The following CNTNAP2 variants were observed in gnomAD, a reference collection of about 807,000 sequenced individuals.
CNTNAP2 encodes contactin-associated protein-like 2.
CNTNAP2 carries 98 observed loss-of-function variants against 155.2 expected under a neutral mutation model. The ratio of observed to expected loss-of-function variants is 0.63; its 90% CI spans 0.54 to 0.75. The LOEUF (loss-of-function observed/expected upper bound fraction) is 0.75, where lower values mean the gene tolerates loss of function less well. CNTNAP2 is among the 30% of genes least tolerant of loss of function. CNTNAP2 has a pLI of 0.00. For synonymous variants in CNTNAP2, 651 were observed against 631.2 expected, an observed-to-expected ratio of 1.03 and a Z score of -0.47; for missense variants, 1,727 against 1,688.1, an observed-to-expected ratio of 1.02 and a Z score of -0.40.
intron 11 of CNTNAP2, among the ~76,000 whole-genome samples, chr7:147,523,523 T>C (rs191283394): frequency 4.6e-5 from 7 of 152,278 alleles, no homozygotes; most frequent in African/African-American, 1.7e-4. Context: ...TTCCTACATA[T>C]CCTTCTTTCC....
At chr7:146,727,170 C>T (rs188339607) in intron 1 of CNTNAP2, among the ~76,000 whole-genome samples, 7 of 151,934 alleles carry the variant, frequency 4.6e-5, no homozygotes, top group South Asian at 2.1e-4. Flanking sequence ...AAAATAAATA[C>T]GAGATATCCC....
At chr7:147,886,475 CAAAAAAAAAAAAA>C (rs532837902) in intron 13 of CNTNAP2, among the ~76,000 whole-genome samples, 6 of 39,736 alleles carry the variant, frequency 1.5e-4, no homozygotes, top group Admixed American at 1.4e-3. Context: ...AACTCCATCT[CAAAAAAAAAAAAA>C]AAAAAAAAAA....
chr7:146,916,149 T>C (rs1016463696), intron 3 of CNTNAP2, among the ~76,000 whole-genome samples: 1 of 152,212 alleles, frequency 6.6e-6, no homozygotes, highest in African/African-American at 2.4e-5. Flanking sequence ...AAACCATCCC[T>C]GCATCCTTGT....
intron 15 of CNTNAP2, among the ~76,000 whole-genome samples, chr7:148,052,414 T>G (rs1802911363): frequency 6.6e-6 from 1 of 151,616 alleles, no homozygotes; most frequent in Admixed American, 6.6e-5. Context: ...AAAAAGTGTT[T>G]CCAATCAAAG....
At chr7:148,192,665 A>G (rs952489800) in intron 18 of CNTNAP2, among the ~76,000 whole-genome samples, 1 of 152,198 alleles carries the variant, frequency 6.6e-6, no homozygotes, top group Admixed American at 6.5e-5. Flanking sequence ...GGCAATGCTC[A>G]TTGCCACAAA....
intron 8 of CNTNAP2, among the ~76,000 whole-genome samples, chr7:147,228,262 T>A (rs191781120): frequency 1.9e-4 from 29 of 152,154 alleles, no homozygotes; most frequent in Admixed American, 1.1e-3. Flanking sequence ...ATCAGAAAAA[T>A]TGGGTAATAG....
chr7:147,966,799 C>T (rs1227323993), intron 14 of CNTNAP2, among the ~76,000 whole-genome samples: 1 of 152,054 alleles, frequency 6.6e-6, no homozygotes, highest in Non-Finnish European at 1.5e-5. Context: ...TGAAGCCAGC[C>T]ATGAGCAACC....
chr7:146,516,020 G>C (rs910492546), intron 1 of CNTNAP2, among the ~76,000 whole-genome samples: 4 of 152,002 alleles, frequency 2.6e-5, no homozygotes, highest in African/African-American at 9.7e-5. Flanking sequence ...GATAGCTGAA[G>C]TAGATCATCA....
chr7:147,504,097 T>C (rs138364321), intron 11 of CNTNAP2, among the ~76,000 whole-genome samples: 1 of 152,320 alleles, frequency 6.6e-6, no homozygotes, highest in East Asian at 1.9e-4. Flanking sequence ...CCTTCTGCCA[T>C]GGCATTTCCA....
At chr7:146,416,385 G>T (rs982331836) in intron 1 of CNTNAP2, among the ~76,000 whole-genome samples, 2 of 151,806 alleles carry the variant, frequency 1.3e-5, no homozygotes, top group African/African-American at 2.4e-5. Flanking sequence ...TTTGCCTCTC[G>T]TTTGCAACCA....
rs147258521 is a variant in CNTNAP2 at position 146,963,784 on chromosome 7, G to C, written c.403-80123G>C. The stretch of plus-strand genomic sequence containing the variant: ...CCCTTGTTATCACTAAGCAATTAAA[G>C]CATTGCTATCTGAGTAGAACTGCCT... On this transcript the variant is annotated intron_variant, in intron 3 of 23. Transcript: ENST00000361727. 2.1e-4 allele frequency among the ~76,000 whole-genome samples: 32 copies of C among 152,250 alleles called. No homozygotes were observed. In the East Asian group the frequency reaches 5.8e-3, roughly 28 times the overall value.
chr7:146,227,587 A>G (rs1480460331), intron 1 of CNTNAP2, among the ~76,000 whole-genome samples: 2 of 152,200 alleles, frequency 1.3e-5, no homozygotes, highest in Non-Finnish European at 2.9e-5. Flanking sequence ...TCTTTAATAA[A>G]GAGAACATTG....
intron 13 of CNTNAP2, among the ~76,000 whole-genome samples, chr7:147,800,528 C>T (rs1797967667): frequency 6.6e-6 from 1 of 151,982 alleles, no homozygotes; most frequent in South Asian, 2.1e-4. Context: ...GGACACGCCT[C>T]ATTTGGGTGT....
intron 14 of CNTNAP2, among the ~76,000 whole-genome samples, chr7:147,933,531 AG>A (rs746102878): frequency 0.13 from 18,872 of 150,164 alleles, 1,606 homozygotes; most frequent in East Asian, 0.31. Flanking sequence ...ATAGATAGAT[AG>A]ATAGATAGAT....
At chr7:146,573,716 G>A (rs1798478114) in intron 1 of CNTNAP2, among the ~76,000 whole-genome samples, 1 of 152,188 alleles carries the variant, frequency 6.6e-6, no homozygotes, top group Non-Finnish European at 1.5e-5. Context: ...ACAGCACAGT[G>A]TGAGGATTTT....
chr7:146,969,807 C>CTA (rs1256176416), intron 3 of CNTNAP2, among the ~76,000 whole-genome samples: 1 of 152,106 alleles, frequency 6.6e-6, no homozygotes, highest in East Asian at 1.9e-4. Context: ...TGACTTCAAA[C>CTA]TATACTACAA....
intron 13 of CNTNAP2, among the ~76,000 whole-genome samples, chr7:147,649,130 A>G (rs949979776): frequency 1.3e-5 from 2 of 152,216 alleles, no homozygotes; most frequent in Admixed American, 1.3e-4. Flanking sequence ...CTCGAGTTGT[A>G]CTAAAAGGGT....
chr7:147,668,794 T>C (rs905031275), intron 13 of CNTNAP2, among the ~76,000 whole-genome samples: 3 of 150,790 alleles, frequency 2.0e-5, no homozygotes, highest in Non-Finnish European at 4.4e-5. Flanking sequence ...AAGAGAAAAG[T>C]TTTCTATATA....
rs544270943 is a variant in CNTNAP2 at position 146,765,031 on chromosome 7, T to C, written c.98-9240T>C. Among the ~76,000 whole-genome samples, 5 of 152,222 alleles carry C rather than the reference T, an allele frequency of 3.3e-5. No individual in the cohort carries two copies. In the East Asian group the frequency reaches 7.7e-4, roughly 24 times the overall value. On this transcript the variant is annotated intron_variant, in intron 1 of 23. Coordinates refer to ENST00000361727, the MANE Select transcript of CNTNAP2 (RefSeq NM_014141.6). ...GCAGAGAAATCAACATATAAACCAA[T>C]ATTGATCATAATAGATTTTCAATGA...
Sources: gnomAD v4.1 joint callset for allele counts (sites outside exome capture counted in the v4.1 genomes callset) on GRCh38, gnomAD v4.1.1 for gene constraint, MANE v1.5 for transcripts, NCBI Gene and HGNC (gene_info 2026-07-23, HGNC 2026-07-21) for gene names.